The following USH2A variants were observed in gnomAD, a reference collection of about 807,000 sequenced individuals.
The protein encoded by USH2A is Usher syndrome 2A (autosomal recessive, mild).
In USH2A, 443 loss-of-function variants were observed where a neutral mutation model predicts 538.9. That is an observed-to-expected ratio of 0.82 (90% CI 0.76 to 0.89). The LOEUF is 0.89. USH2A is among the 40% of genes least tolerant of loss of function. The probability of loss-of-function intolerance (pLI) is 0.00; values close to 1 mark genes in which losing one functional copy is unlikely to be tolerated. For missense variants in USH2A, 6,633 were observed against 6,324.8 expected (o/e 1.05, Z -1.65); for synonymous variants, 2,413 against 2,273.5 (o/e 1.06, Z -1.75).
At chr1:216,370,345 A>C (rs1372717050) in intron 3 of USH2A, among the ~76,000 whole-genome samples, 3 of 151,770 alleles carry the variant, frequency 2.0e-5, no homozygotes, top group African/African-American at 7.3e-5. Context: ...TGGGCGACAG[A>C]GTGAGACTCT....
chr1:215,908,370 T>C (rs1258568620), intron 38 of USH2A, among the ~76,000 whole-genome samples: 1 of 151,966 alleles, frequency 6.6e-6, no homozygotes, highest in Admixed American at 6.6e-5. Flanking sequence ...ATTTTGAGAG[T>C]TTAGTATTGC....
intron 43 of USH2A, among the ~76,000 whole-genome samples, 162 bp from the exon 44 acceptor site, chr1:215,867,332 T>C (rs1664501799): frequency 6.6e-6 from 1 of 152,228 alleles, no homozygotes; most frequent in African/African-American, 2.4e-5. Context: ...TTATTTTCCC[T>C]CCTTACACAA....
intron 51 of USH2A, among the ~76,000 whole-genome samples, chr1:215,789,470 C>T (rs1279333390): frequency 6.6e-6 from 1 of 152,102 alleles, no homozygotes; most frequent in Admixed American, 6.5e-5. Context: ...CTTCTGGTAT[C>T]CTGGGTCAAG....
intron 22 of USH2A, among the ~76,000 whole-genome samples, chr1:216,092,744 T>TCATG (rs2032332353): frequency 6.6e-6 from 1 of 152,144 alleles, no homozygotes; most frequent in South Asian, 2.1e-4. Context: ...ATAGAGAGCC[T>TCATG]CATGGCCCGT....
chr1:215,859,114 G>A (rs1403644526), intron 44 of USH2A, among the ~76,000 whole-genome samples: 9 of 152,128 alleles, frequency 5.9e-5, no homozygotes, highest in African/African-American at 4.8e-5. Context: ...TTATGAAATC[G>A]AGGTCCCACT....
chr1:215,957,571 T>A (rs1212023131), intron 37 of USH2A, among the ~76,000 whole-genome samples: 2 of 152,148 alleles, frequency 1.3e-5, no homozygotes, highest in Non-Finnish European at 2.9e-5. Context: ...CTTTGACCTT[T>A]CTTTCTAAAA....
chr1:215,943,522 C>CT (rs1301270832), intron 37 of USH2A, among the ~76,000 whole-genome samples: 4 of 152,074 alleles, frequency 2.6e-5, no homozygotes, highest in East Asian at 1.9e-4. Flanking sequence ...TTAATTTTCT[C>CT]TTTTTTTGTA....
Position 215,758,619 on chromosome 1 carries a change from T to C in USH2A, c.11365A>G (p.Ile3789Val), listed in dbSNP as rs746236274. ...CCTGGTGGTATCCAAGCTACAAATATAGAATAAGGCCCAATTACTGTGATA... is the reference window on the plus strand; with the variant it reads ...CCTGGTGGTATCCAAGCTACAAATACAGAATAAGGCCCAATTACTGTGATA... ...YNITVIGPYS[I>V]FVAWIPPGIL... is the part of the protein sequence containing the mutation. The change falls in exon 58 of 72, where the codon ATA (isoleucine) becomes GTA (valine). Residue 3789 changes from isoleucine (I) to valine (V), a missense_variant. Coordinates refer to ENST00000307340, the MANE Select transcript of USH2A (RefSeq NM_206933.4). 27 of 1,613,500 alleles carry C rather than the reference T, an allele frequency of 1.7e-5. No homozygotes were observed. The South Asian group carries it at 2.4e-4, about 14-fold the overall frequency.
chr1:215,917,089 T>C (rs1665975189), intron 38 of USH2A, among the ~76,000 whole-genome samples: 1 of 152,160 alleles, frequency 6.6e-6, no homozygotes, highest in Admixed American at 6.6e-5. Context: ...ACTGTCACTT[T>C]GTCAGACTAA....
chr1:216,204,890 G>A lies in USH2A; in HGVS notation c.3316+2383C>T, dbSNP rs574963135. ...TGATTGTCAAGAAATGCCAGAAGTG[G>A]CATTTTTTAATGAAAAATATGGTTT... On this transcript the variant is annotated intron_variant, in intron 16 of 71. Transcript: ENST00000307340. Among the ~76,000 whole-genome samples, 12 of 152,216 alleles carry A rather than the reference G, an allele frequency of 7.9e-5. No individual in the cohort carries two copies. The South Asian group carries it at 2.5e-3, about 32-fold the overall frequency.
intron 2 of USH2A, among the ~76,000 whole-genome samples, chr1:216,419,851 A>G (rs1481167870): frequency 6.6e-6 from 1 of 152,034 alleles, no homozygotes; most frequent in Non-Finnish European, 1.5e-5. Flanking sequence ...ACTTGCATCT[A>G]TCACTTGCAT....
At chr1:216,127,597 G>T (rs1318024045) in intron 21 of USH2A, among the ~76,000 whole-genome samples, 1 of 152,074 alleles carries the variant, frequency 6.6e-6, no homozygotes, top group Non-Finnish European at 1.5e-5. Context: ...ATCCATCTGT[G>T]CTGCATGCCA....
At chr1:215,683,101 G>T (rs12141321) in intron 61 of USH2A, among the ~76,000 whole-genome samples, 30,319 of 151,638 alleles carry the variant, frequency 0.2, 3,171 homozygotes, top group Non-Finnish European at 0.23. Flanking sequence ...TGCCCAGGTT[G>T]GTCTCCAACT....
At chr1:216,300,747 T>TG (rs1465930792) in intron 9 of USH2A, among the ~76,000 whole-genome samples, 1 of 150,874 alleles carries the variant, frequency 6.6e-6, no homozygotes, top group African/African-American at 2.4e-5. Flanking sequence ...CAATGTTTTT[T>TG]TTTTTTTTTT....
intron 60 of USH2A, 79 bp from the exon 61 acceptor site, chr1:215,728,463 T>A: frequency 7.2e-7 from 1 of 1,388,152 alleles, no homozygotes; most frequent in Non-Finnish European, 1.0e-6. Flanking sequence ...AAAACATTTT[T>A]TTTAGAATTT....
Position 215,680,135 on chromosome 1 carries a change from A to G in USH2A, c.12294+14T>C. 1 of 1,610,710 alleles carries G rather than the reference A, an allele frequency of 6.2e-7. No homozygotes were observed. Among genetic ancestry groups the G allele is most frequent in the East Asian group, 2.2e-5 (1 of 44,850 alleles). On this transcript the variant is annotated intron_variant, in intron 62 of 71. Coordinates refer to ENST00000307340, the MANE Select transcript of USH2A (RefSeq NM_206933.4). ...GAACACCAAACATAATTTCTTATGCAGGGTAGACATTACCTTAATCACACC... is the reference window on the plus strand; with the variant it reads ...GAACACCAAACATAATTTCTTATGCGGGGTAGACATTACCTTAATCACACC...
At chr1:215,871,124 T>C (rs1245081376) in intron 43 of USH2A, among the ~76,000 whole-genome samples, 5 of 152,196 alleles carry the variant, frequency 3.3e-5, no homozygotes, top group African/African-American at 9.6e-5. Context: ...ACTATTACAA[T>C]AGTTTTTCCC....
intron 71 of USH2A, among the ~76,000 whole-genome samples, chr1:215,627,081 C>G (rs767045821): frequency 2.6e-5 from 4 of 152,270 alleles, no homozygotes; most frequent in Non-Finnish European, 5.9e-5. Context: ...ATTATACAAT[C>G]ATTCTGAACA....
Position 215,623,948 on chromosome 1 carries a change from T to G in USH2A, c.*1833A>C, listed in dbSNP as rs1363284844. The G allele has an allele frequency of 1.3e-5, 2 of 152,150 alleles. No homozygotes were observed. The highest frequency in any genetic ancestry group is 4.8e-5 in the African/African-American group (2 of 41,444). 9.4% of individuals were successfully genotyped at this position (152,150 alleles called of 1,614,324 possible). A position where few individuals can be genotyped will look rare whatever the true frequency, so the allele number is the denominator to read the frequency against. On this transcript the variant is annotated 3_prime_UTR_variant, in exon 72 of 72. Coordinates refer to ENST00000307340, the MANE Select transcript of USH2A (RefSeq NM_206933.4). Reference sequence around the variant, plus strand: ...GATTAGGATGCAAGTTTGTGACCACTCCTTTCCTATATACCTTAAGTAGCT... The same window carrying G: ...GATTAGGATGCAAGTTTGTGACCACGCCTTTCCTATATACCTTAAGTAGCT...
Sources: allele counts gnomAD v4.1 joint callset (sites outside exome capture counted in the v4.1 genomes callset), GRCh38; gene constraint gnomAD v4.1.1; transcripts MANE v1.5; gene names NCBI Gene and HGNC (gene_info 2026-07-23, HGNC 2026-07-21).